The following SGCD variants were observed in gnomAD, a reference collection of about 807,000 sequenced individuals.
SGCD encodes delta-sarcoglycan.
A neutral mutation model predicts 36.6 loss-of-function variants in SGCD; 18 were observed. The observed-to-expected ratio is 0.49, with a 90% CI of 0.34 to 0.73. The LOEUF (loss-of-function observed/expected upper bound fraction) is 0.73, where lower values mean the gene tolerates loss of function less well. Among genes scored for constraint, SGCD ranks in the 30% least tolerant of loss-of-function variants. The pLI is 0.01. For missense variants in SGCD, 387 were observed against 346.7 expected, an observed-to-expected ratio of 1.12 and a Z score of -0.92; for synonymous variants, 133 against 130.6, an observed-to-expected ratio of 1.02 and a Z score of -0.12.
chr5:156,479,402 C>T (rs1581052497), intron 3 of SGCD, among the ~76,000 whole-genome samples: 1 of 152,078 alleles, frequency 6.6e-6, no homozygotes, highest in Non-Finnish European at 1.5e-5. Flanking sequence ...GGCCAGATTT[C>T]AAGATTCTTA....
intron 7 of SGCD, among the ~76,000 whole-genome samples, chr5:156,681,935 G>T (rs973158702): frequency 5.3e-5 from 8 of 152,200 alleles, no homozygotes; most frequent in African/African-American, 1.9e-4. Flanking sequence ...TTATGAAAGT[G>T]AAAATATAAT....
intron 2 of SGCD, 63 bp from the exon 3 acceptor site, chr5:156,344,422 CTTTA>C: frequency 1.7e-6 from 2 of 1,147,724 alleles, no homozygotes; most frequent in Non-Finnish European, 2.5e-6. Context: ...TTTTTTTTTC[CTTTA>C]TTTTTTTTCT....
intron 1 of SGCD, among the ~76,000 whole-genome samples, chr5:155,970,863 A>G (rs1050605805): frequency 6.6e-6 from 1 of 152,176 alleles, no homozygotes; most frequent in African/African-American, 2.4e-5. Context: ...TCTATCTAAC[A>G]GTGATTTCAC....
chr5:156,531,040 AT>A (rs1757867115), intron 4 of SGCD, among the ~76,000 whole-genome samples: 1 of 152,192 alleles, frequency 6.6e-6, no homozygotes, highest in African/African-American at 2.4e-5. Flanking sequence ...ATGTGATAGT[AT>A]TAAGAGGCGG....
At chr5:155,862,485 C>A in the SGCD span, among the ~76,000 whole-genome samples, 1 of 152,092 alleles carries the variant, frequency 6.6e-6, no homozygotes, top group African/African-American at 2.4e-5. Flanking sequence ...CACCGCTACA[C>A]CTGGCTAGTT....
chr5:156,177,841 G>T (rs184442178), intron 3 of SGCD, among the ~76,000 whole-genome samples: 8 of 152,018 alleles, frequency 5.3e-5, no homozygotes, highest in Admixed American at 3.9e-4. Context: ...TTTAATGGGC[G>T]GCATTGACCA....
chr5:156,013,323 C>G (rs1404574460), intron 1 of SGCD, among the ~76,000 whole-genome samples: 1 of 152,152 alleles, frequency 6.6e-6, no homozygotes, highest in Non-Finnish European at 1.5e-5. Flanking sequence ...CTGCTCCTGG[C>G]CTAGGTGTTT....
chr5:155,936,446 C>G lies in SGCD; in HGVS notation c.-282+66022C>G, dbSNP rs139647751. ...GCAGACGCTGGGGTGGGTAGCTCCT[C>G]TCCATAGCTGGTCGTCCCATCATCC... On this transcript the variant is annotated intron_variant, in intron 1 of 9. Coordinates refer to the SGCD transcript ENST00000517913. 9.1e-4 allele frequency among the ~76,000 whole-genome samples: 138 copies of G among 152,286 alleles called. 3 individuals are homozygous for G. The East Asian group carries it at 0.023, about 25-fold the overall frequency.
chr5:155,742,121 T>A, the SGCD span, among the ~76,000 whole-genome samples: 2 of 152,150 alleles, frequency 1.3e-5, no homozygotes, highest in Non-Finnish European at 2.9e-5. Flanking sequence ...CCCATTTCAC[T>A]TGGGAAGTTT....
At position 156,580,098 on chromosome 5, in the gene SGCD, A is replaced by G. The variant is rs879197248; in HGVS notation, c.295-9133A>G. Among the ~76,000 whole-genome samples the G allele has an allele frequency of 6.6e-5, 10 of 152,126 alleles. No homozygotes were observed. In the East Asian group the frequency reaches 1.2e-3, roughly 18 times the overall value. ...AGTGCTTCCTTCAGGAGCTCTTGTA[A>G]GGCAGGCCTGGTGGTGACAAAATCT... On this transcript the variant is annotated intron_variant, in intron 4 of 8. Transcript: ENST00000337851.
intron 3 of SGCD, among the ~76,000 whole-genome samples, chr5:156,146,709 T>A (rs1244722362): frequency 6.6e-6 from 1 of 152,168 alleles, no homozygotes; most frequent in Non-Finnish European, 1.5e-5. Flanking sequence ...AGGTAAATGA[T>A]GAGAGTAATA....
intron 4 of SGCD, among the ~76,000 whole-genome samples, chr5:156,543,774 A>G (rs961409105): frequency 3.3e-5 from 5 of 152,266 alleles, no homozygotes; most frequent in African/African-American, 9.6e-5. Context: ...CAGTTTCAGA[A>G]ACCACATTTA....
chr5:156,669,752 A>G (rs1753211229), intron 7 of SGCD, among the ~76,000 whole-genome samples: 1 of 152,198 alleles, frequency 6.6e-6, no homozygotes, highest in Non-Finnish European at 1.5e-5. Context: ...ATCCATTGTT[A>G]GGCACCTGCT....
At chr5:156,692,456 A>G (rs1754153397) in intron 7 of SGCD, among the ~76,000 whole-genome samples, 1 of 152,222 alleles carries the variant, frequency 6.6e-6, no homozygotes, top group Admixed American at 6.5e-5. Context: ...TAACTCTGCT[A>G]TACATGAGGC....
chr5:155,792,433 C>A, the SGCD span, among the ~76,000 whole-genome samples: 141 of 92,254 alleles, frequency 1.5e-3, no homozygotes, highest in African/African-American at 2.5e-3. Flanking sequence ...TTCTACATAG[C>A]AAAAAAAAAA....
intron 6 of SGCD, among the ~76,000 whole-genome samples, chr5:156,620,588 TA>T (rs143702987): frequency 2.1e-4 from 32 of 151,764 alleles, no homozygotes; most frequent in African/African-American, 7.5e-4. Flanking sequence ...AGAGGAGAAA[TA>T]GGGGGAAGTG....
At chr5:156,702,640 A>G (rs1754570747) in intron 7 of SGCD, among the ~76,000 whole-genome samples, 1 of 152,126 alleles carries the variant, frequency 6.6e-6, no homozygotes, top group Admixed American at 6.6e-5. Context: ...TTATGTGGCA[A>G]TAGTTATATT....
Position 156,062,021 on chromosome 5 carries a change from C to T in SGCD, c.-281-55857C>T, listed in dbSNP as rs1327184464. Among the ~76,000 whole-genome samples, 54 of 81,002 alleles carry T rather than the reference C, an allele frequency of 6.7e-4. 2 individuals are homozygous for T. Among genetic ancestry groups the T allele is most frequent in the Middle Eastern group, 6.3e-3 (1 of 160 alleles). 53.1% of individuals were successfully genotyped at this position (81,002 alleles called of 152,430 possible). A position where few individuals can be genotyped will look rare whatever the true frequency, so the allele number is the denominator to read the frequency against. ...TATGTATACATGTGCCATGCTGGTG[C>T]GCTGCACCCACTAATGTGTCATCTA... On this transcript the variant is annotated intron_variant, in intron 1 of 9. Coordinates refer to the SGCD transcript ENST00000517913.
In SGCD at chr5:156,136,644, G is replaced by A. The variant is rs1475867359; in HGVS notation, c.-44+12625G>A. Among the ~76,000 whole-genome samples, 3 of 152,168 alleles carry A rather than the reference G, an allele frequency of 2.0e-5. 1 individual carries two copies. The highest frequency in any genetic ancestry group is 2.0e-4 in the Admixed American group (3 of 15,284). On this transcript the variant is annotated intron_variant, in intron 3 of 9. Coordinates refer to the SGCD transcript ENST00000517913. ...GAGATAATGTGCACACATAAAGACA[G>A]ACGAAGATTCCATATAAGGAAGTGT... is the stretch of plus-strand genomic sequence containing the variant.
Sources: gnomAD v4.1 joint callset for allele counts (sites outside exome capture counted in the v4.1 genomes callset) on GRCh38, gnomAD v4.1.1 for gene constraint, MANE v1.5 for transcripts, NCBI Gene and HGNC (gene_info 2026-07-23, HGNC 2026-07-21) for gene names.